GALNT17: variants seen among roughly 807,000 people sequenced by gnomAD.
The protein encoded by GALNT17 is polypeptide N-acetylgalactosaminyltransferase 17.
In GALNT17, 29 loss-of-function variants were observed where a neutral mutation model predicts 63.7. That is an observed-to-expected ratio of 0.46 (90% CI 0.34 to 0.62). The LOEUF (loss-of-function observed/expected upper bound fraction) is 0.62, where lower values mean the gene tolerates loss of function less well. Ranked by LOEUF, GALNT17 falls within the 20% of genes least tolerant of loss-of-function variation. The pLI is 0.01. For synonymous variants in GALNT17, 305 were observed against 318.3 expected (o/e 0.96, Z 0.45); for missense variants, 603 against 799.6 (o/e 0.75, Z 2.97).
chr7:71,395,168 A>G (rs1231605594), intron 3 of GALNT17, among the ~76,000 whole-genome samples: 2 of 152,216 alleles, frequency 1.3e-5, no homozygotes, highest in African/African-American at 4.8e-5. Context: ...TGCACCTATC[A>G]CCACTACCTA....
intron 6 of GALNT17, among the ~76,000 whole-genome samples, chr7:71,603,419 T>TAAGTGCATATACCAGATACTATGCG (rs1789996897): frequency 1.3e-5 from 2 of 152,074 alleles, no homozygotes; most frequent in Non-Finnish European, 2.9e-5. Flanking sequence ...GATACTATGC[T>TAAGTGCATATACCAGATACTATGCG]AAGTGCATAT....
chr7:71,208,175 G>A (rs182845958), intron 1 of GALNT17, among the ~76,000 whole-genome samples: 2 of 151,880 alleles, frequency 1.3e-5, no homozygotes, highest in African/African-American at 4.8e-5. Flanking sequence ...GGACTTAAGC[G>A]ATCTGCCTGG....
At chr7:71,420,100 C>T (rs572293020) in intron 4 of GALNT17, among the ~76,000 whole-genome samples, 72 of 152,250 alleles carry the variant, frequency 4.7e-4, no homozygotes, top group Non-Finnish European at 8.1e-4. Context: ...GCCATCTTCT[C>T]CTTCTCGAAT....
chr7:71,624,113 TGGGGTCAGCAGTG>T (rs1790336909), intron 6 of GALNT17, among the ~76,000 whole-genome samples: 1 of 152,200 alleles, frequency 6.6e-6, no homozygotes, highest in Non-Finnish European at 1.5e-5. Flanking sequence ...TGCTTACGGT[TGGGGTCAGCAGTG>T]AGGTGCTGAT....
chr7:71,313,572 CTG>C (rs1791447538), intron 1 of GALNT17, among the ~76,000 whole-genome samples: 1 of 151,986 alleles, frequency 6.6e-6, no homozygotes, highest in Admixed American at 6.6e-5. Flanking sequence ...GAAAGAAGCT[CTG>C]TGAAAAAAAA....
chr7:71,460,876 C>T (rs1787440756), intron 5 of GALNT17, among the ~76,000 whole-genome samples: 1 of 152,172 alleles, frequency 6.6e-6, no homozygotes, highest in African/African-American at 2.4e-5. Flanking sequence ...CTCCCGTCGC[C>T]ATTTTGGTTT....
intron 1 of GALNT17, among the ~76,000 whole-genome samples, chr7:71,201,241 T>TTTTATATATATATATATATATA (rs1789163354): frequency 1.4e-5 from 2 of 138,380 alleles, no homozygotes; most frequent in African/African-American, 5.7e-5. Flanking sequence ...GTGTTTATTT[T>TTTTATATATATATATATATATA]TATATATATA....
At chr7:71,302,704 C>T (rs1162133194) in intron 1 of GALNT17, among the ~76,000 whole-genome samples, 1 of 152,106 alleles carries the variant, frequency 6.6e-6, no homozygotes, top group Non-Finnish European at 1.5e-5. Context: ...TTTTCAGCAG[C>T]ATAGCATAAC....
intron 9 of GALNT17, among the ~76,000 whole-genome samples, chr7:71,689,425 T>C (rs1344893251): frequency 6.6e-6 from 1 of 152,220 alleles, no homozygotes; most frequent in Non-Finnish European, 1.5e-5. Context: ...TCATTGTTCA[T>C]AGGGAGTCAG....
At chr7:71,190,044 C>T (rs1788922966) in intron 1 of GALNT17, among the ~76,000 whole-genome samples, 1 of 152,044 alleles carries the variant, frequency 6.6e-6, no homozygotes. Context: ...ATCACCTGAC[C>T]TTGTGATCTG....
Position 71,546,159 on chromosome 7 carries a change from C to T in GALNT17, c.963-25126C>T, listed in dbSNP as rs140287776. ...CAGGTCATTATGAATTCTTGAGGGA[C>T]ACTTTTTTTTTTTTTTTTTGAGATA... On this transcript the variant is annotated intron_variant, in intron 5 of 10. Transcript: ENST00000333538. Among the ~76,000 whole-genome samples the T allele has an allele frequency of 3.3e-3, 456 of 138,956 alleles. 2 individuals carry two copies. The highest frequency in any genetic ancestry group is 0.011 in the African/African-American group (432 of 40,290). 91.2% of individuals were successfully genotyped at this position (138,956 alleles called of 152,430 possible). A position where few individuals can be genotyped will look rare whatever the true frequency, so the allele number is the denominator to read the frequency against.
intron 5 of GALNT17, among the ~76,000 whole-genome samples, chr7:71,517,371 C>T (rs1241958959): frequency 2.0e-5 from 3 of 152,126 alleles, no homozygotes; most frequent in Non-Finnish European, 4.4e-5. Context: ...AAGTCCTGAC[C>T]TGCCACTACC....
intron 1 of GALNT17, among the ~76,000 whole-genome samples, chr7:71,299,117 G>T (rs1791140629): frequency 6.6e-6 from 1 of 152,068 alleles, no homozygotes; most frequent in Non-Finnish European, 1.5e-5. Flanking sequence ...AGACCACCTG[G>T]GCCCGCCCCT....
At chr7:71,229,743 A>G (rs549036527) in intron 1 of GALNT17, among the ~76,000 whole-genome samples, 1 of 152,308 alleles carries the variant, frequency 6.6e-6, no homozygotes, top group African/African-American at 2.4e-5. Context: ...GGCCAGCCCT[A>G]GTCCCATCTG....
intron 2 of GALNT17, among the ~76,000 whole-genome samples, chr7:71,372,750 C>T (rs573159476): frequency 3.9e-5 from 6 of 152,208 alleles, no homozygotes; most frequent in Non-Finnish European, 4.4e-5. Context: ...CCACTGCCCC[C>T]GGCCATAATT....
chr7:71,522,678 C>T (rs1788551121), intron 5 of GALNT17, among the ~76,000 whole-genome samples: 1 of 152,112 alleles, frequency 6.6e-6, no homozygotes. Flanking sequence ...GACATAGAGC[C>T]AAACCGCATC....
In GALNT17 at chr7:71,392,247, G is replaced by A. The variant is rs952040889; in HGVS notation, c.589+3846G>A. Among the ~76,000 whole-genome samples, 3 of 152,200 alleles carry A rather than the reference G, an allele frequency of 2.0e-5. No individual in the cohort carries two copies. In the East Asian group the frequency reaches 5.8e-4, roughly 29 times the overall value. ...GTAGTTTATTTGGGAGGTGAAGAGAGCACCAGTAGGGGACTGGGGAAGTAA... is the reference window on the plus strand; with the variant it reads ...GTAGTTTATTTGGGAGGTGAAGAGAACACCAGTAGGGGACTGGGGAAGTAA... On this transcript the variant is annotated intron_variant, in intron 3 of 10. Transcript: ENST00000333538.
At chr7:71,255,862 G>A (rs1256274420) in intron 1 of GALNT17, among the ~76,000 whole-genome samples, 1 of 152,130 alleles carries the variant, frequency 6.6e-6, no homozygotes, top group African/African-American at 2.4e-5. Flanking sequence ...CCAGCCACAT[G>A]AATGGACCAC....
At chr7:71,616,185 T>C (rs1003959418) in intron 6 of GALNT17, among the ~76,000 whole-genome samples, 7 of 152,106 alleles carry the variant, frequency 4.6e-5, no homozygotes, top group African/African-American at 1.7e-4. Context: ...TGGTCAAGAC[T>C]GGGGCTCTTA....
Sources: allele counts gnomAD v4.1 joint callset (sites outside exome capture counted in the v4.1 genomes callset), GRCh38; gene constraint gnomAD v4.1.1; transcripts MANE v1.5; gene names NCBI Gene and HGNC (gene_info 2026-07-23, HGNC 2026-07-21).